The following ELMOD2 variants were observed in gnomAD, a reference collection of about 807,000 sequenced individuals.
The protein encoded by ELMOD2 is ELMO domain-containing protein 2.
Under a neutral mutation model 41.0 loss-of-function variants are expected in ELMOD2, and 28 were observed. The ratio of observed to expected loss-of-function variants is 0.68; its 90% confidence interval spans 0.51 to 0.94. ELMOD2 has a LOEUF of 0.94. ELMOD2 is among the 40% of genes least tolerant of loss of function. The probability of loss-of-function intolerance (pLI) is 0.00; values close to 1 mark genes in which losing one functional copy is unlikely to be tolerated. For missense variants in ELMOD2, 333 were observed against 343.1 expected (o/e 0.97, Z 0.23); for synonymous variants, 106 against 107.2 (o/e 0.99, Z 0.07).
intron 4 of ELMOD2, among the ~76,000 whole-genome samples, chr4:140,536,366 C>T (rs967556087): frequency 4.6e-5 from 7 of 152,080 alleles, no homozygotes; most frequent in African/African-American, 1.7e-4. Context: ...TTCCTTCATT[C>T]AGCATTTTCT....
chr4:140,548,025 G>A (rs1379689500), intron 8 of ELMOD2, among the ~76,000 whole-genome samples: 1 of 152,030 alleles, frequency 6.6e-6, no homozygotes, highest in Non-Finnish European at 1.5e-5. Flanking sequence ...TATAGTCTCC[G>A]TTCTTCAAGT....
chr4:140,537,728 A>G (rs1560828982), intron 5 of ELMOD2, among the ~76,000 whole-genome samples, 187 bp downstream of exon 5: 1 of 151,068 alleles, frequency 6.6e-6, no homozygotes, highest in East Asian at 1.9e-4. Flanking sequence ...TATTTTTATC[A>G]TTTTCTGATA....
intron 1 of ELMOD2, 52 bp from the exon 2 acceptor site, chr4:140,525,368 T>C: frequency 6.5e-7 from 1 of 1,544,822 alleles, no homozygotes; most frequent in Non-Finnish European, 8.7e-7. Context: ...TTTTAAATTT[T>C]AAAATTCAGT....
At chr4:140,537,723 TTA>T (rs1734979752) in intron 5 of ELMOD2, among the ~76,000 whole-genome samples, 182 bp downstream of exon 5, 1 of 151,324 alleles carries the variant, frequency 6.6e-6, no homozygotes, top group African/African-American at 2.4e-5. Flanking sequence ...TTAGGTATTT[TTA>T]TCATTTTCTG....
At chr4:140,546,244 C>G (rs1287553211) in intron 8 of ELMOD2, among the ~76,000 whole-genome samples, 1 of 152,022 alleles carries the variant, frequency 6.6e-6, no homozygotes, top group Non-Finnish European at 1.5e-5. Flanking sequence ...GGACAGAAAA[C>G]CAAACATTGC....
In ELMOD2 at chr4:140,538,902, T is replaced by A. The variant is rs74868811; in HGVS notation, c.400-1266T>A. 8.6e-3 allele frequency among the ~76,000 whole-genome samples: 1,316 copies of A among 152,350 alleles called. 20 individuals are homozygous for A. The highest frequency in any genetic ancestry group is 0.03 in the African/African-American group (1,229 of 41,586). The stretch of plus-strand genomic sequence containing the variant: ...AAATTCAATATTCATGCATATTAAA[T>A]TTTTAATACTAGTGGTTCTACACTG... On this transcript the variant is annotated intron_variant, in intron 5 of 8. Coordinates refer to ENST00000323570, the MANE Select transcript of ELMOD2 (RefSeq NM_153702.4).
intron 3 of ELMOD2, among the ~76,000 whole-genome samples, chr4:140,534,519 T>G (rs1392915488): frequency 6.6e-6 from 1 of 152,176 alleles, no homozygotes; most frequent in Non-Finnish European, 1.5e-5. Context: ...ATCTGTGCCT[T>G]TCACTGTATT....
chr4:140,543,229 G>C (rs1735164037), intron 7 of ELMOD2, among the ~76,000 whole-genome samples: 1 of 151,856 alleles, frequency 6.6e-6, no homozygotes. Flanking sequence ...CATGTGAACA[G>C]AGCTTTATTT....
intron 5 of ELMOD2, among the ~76,000 whole-genome samples, chr4:140,539,623 G>A (rs1485277055): frequency 1.3e-5 from 2 of 152,160 alleles, no homozygotes; most frequent in East Asian, 1.9e-4. Flanking sequence ...TGGGATTACA[G>A]GCATGAGCCA....
At position 140,550,973 on chromosome 4, in the gene ELMOD2, G is replaced by A. The variant is rs1735454821; in HGVS notation, c.*598G>A. ...GTTTCTGTGATTATTGAGCATAACT[G>A]ATGAGAGAATGACAGTATTGGTGAC... On this transcript the variant is annotated 3_prime_UTR_variant, in exon 9 of 9. Coordinates refer to ENST00000323570, the MANE Select transcript of ELMOD2 (RefSeq NM_153702.4). 6.6e-6 allele frequency: 1 copy of A among 152,132 alleles called. No homozygotes were observed. The highest frequency in any genetic ancestry group is 2.4e-5 in the African/African-American group (1 of 41,440). The allele number at this position is 152,132 out of a possible 1,614,324, so 9.4% of individuals were successfully genotyped here.
intron 1 of ELMOD2, chr4:140,524,528 T>C (rs1734488443): frequency 3.3e-6 from 3 of 919,756 alleles, no homozygotes; most frequent in South Asian, 1.0e-4. Context: ...TTCTGCGCTT[T>C]TGTCCTAATG....
chr4:140,532,857 G>A (rs1316011955), intron 3 of ELMOD2, among the ~76,000 whole-genome samples: 1 of 152,196 alleles, frequency 6.6e-6, no homozygotes, highest in African/African-American at 2.4e-5. Flanking sequence ...CTTTGTGAAT[G>A]TAGAAAATCC....
intron 8 of ELMOD2, among the ~76,000 whole-genome samples, chr4:140,544,373 C>T (rs1365529854): frequency 6.6e-6 from 1 of 152,104 alleles, no homozygotes; most frequent in African/African-American, 2.4e-5. Context: ...GTTTTGTCTG[C>T]ATCTTAACTT....
At chr4:140,546,432 A>G (rs1262091114) in intron 8 of ELMOD2, among the ~76,000 whole-genome samples, 2 of 151,988 alleles carry the variant, frequency 1.3e-5, no homozygotes, top group Non-Finnish European at 2.9e-5. Flanking sequence ...ACATGTATAC[A>G]TATATAACAA....
intron 2 of ELMOD2, 128 bp from the exon 3 acceptor site, chr4:140,527,338 A>T: frequency 1.3e-6 from 1 of 777,098 alleles, no homozygotes; most frequent in Non-Finnish European, 2.1e-6. Context: ...TTCCTGTTAT[A>T]TAGAAATTAT....
At chr4:140,525,892 G>A (rs1340183216) in intron 2 of ELMOD2, among the ~76,000 whole-genome samples, 1 of 152,146 alleles carries the variant, frequency 6.6e-6, no homozygotes, top group African/African-American at 2.4e-5. Context: ...CACTCACATG[G>A]TGGGAAGAAT....
Position 140,550,349 on chromosome 4 carries a change from A to G in ELMOD2, c.856A>G (p.Asn286Asp), listed in dbSNP as rs760058394. 6.2e-7 allele frequency: 1 copy of G among 1,606,864 alleles called. No homozygotes were observed. The highest frequency in any genetic ancestry group is 8.5e-7 in the Non-Finnish European group (1 of 1,177,464). Reference sequence around the variant, plus strand: ...GATTAAAGGACTTTTACTGGATTGTAATGTAGCACTTACTTTAAAAGTATA... The same window carrying G: ...GATTAAAGGACTTTTACTGGATTGTGATGTAGCACTTACTTTAAAAGTATA... Reference protein sequence around the residue: ...EKIKGLLLDCNVALTLKV With the variant: ...EKIKGLLLDCDVALTLKV The change falls in exon 9 of 9, where the codon AAT (asparagine) becomes GAT (aspartate). Residue 286 changes from asparagine to aspartate, a missense_variant. Physicochemically the swap from Asn to Asp is conservative, Grantham distance 23. Coordinates refer to ENST00000323570, the MANE Select transcript of ELMOD2 (RefSeq NM_153702.4).
chr4:140,548,054 G>A (rs1386053027), intron 8 of ELMOD2, among the ~76,000 whole-genome samples: 8 of 152,108 alleles, frequency 5.3e-5, no homozygotes, highest in Non-Finnish European at 7.4e-5. Flanking sequence ...CTCTGACACT[G>A]ATTTATATTA....
chr4:140,543,717 G>C (rs1403798350), intron 8 of ELMOD2, 131 bp downstream of exon 8: 1 of 748,724 alleles, frequency 1.3e-6, no homozygotes, highest in African/African-American at 1.8e-5. Flanking sequence ...TATTACTTAG[G>C]GTCTTTGAAA....
Sources: allele counts gnomAD v4.1 joint callset (sites outside exome capture counted in the v4.1 genomes callset), GRCh38; gene constraint gnomAD v4.1.1; transcripts MANE v1.5; gene names NCBI Gene and HGNC (gene_info 2026-07-23, HGNC 2026-07-21).